LRRC4C: variants seen among roughly 807,000 people sequenced by gnomAD.
LRRC4C encodes the protein leucine rich repeat containing 4C, also known as leucine-rich repeat-containing protein 4C.
In LRRC4C, 5 loss-of-function variants were observed where a neutral mutation model predicts 33.6. The observed-to-expected ratio is 0.15, with a 90% CI of 0.08 to 0.31. The LOEUF (loss-of-function observed/expected upper bound fraction) is 0.31, where lower values mean the gene tolerates loss of function less well. LRRC4C is among the 10% of genes least tolerant of loss of function. The pLI, the probability that LRRC4C is intolerant of heterozygous loss-of-function variation, is 1.00. For missense variants in LRRC4C, 560 were observed against 796.7 expected, an observed-to-expected ratio of 0.70 and a Z score of 3.58; for synonymous variants, 329 against 302.0, an observed-to-expected ratio of 1.09 and a Z score of -0.93.
intron 5 of LRRC4C, among the ~76,000 whole-genome samples, chr11:40,224,819 A>C (rs1234256592): frequency 6.6e-6 from 1 of 152,174 alleles, no homozygotes; most frequent in African/African-American, 2.4e-5. Context: ...ATATCCATTT[A>C]TTTACTTTAA....
At chr11:40,855,470 T>A (rs1485772200) in intron 2 of LRRC4C, among the ~76,000 whole-genome samples, 1 of 152,210 alleles carries the variant, frequency 6.6e-6, no homozygotes, top group East Asian at 1.9e-4. Flanking sequence ...GGGTTGTGGA[T>A]GCTTGGCACA....
intron 1 of LRRC4C, among the ~76,000 whole-genome samples, chr11:41,316,262 CAAAAA>C (rs60671406): frequency 2.6e-5 from 2 of 78,022 alleles, no homozygotes; most frequent in Middle Eastern, 0.016. Context: ...CTCTGGATGG[CAAAAA>C]AAAAAAAAAA....
At chr11:41,419,927 G>T (rs1954818005) in intron 1 of LRRC4C, among the ~76,000 whole-genome samples, 2 of 151,822 alleles carry the variant, frequency 1.3e-5, no homozygotes, top group South Asian at 4.1e-4. Context: ...ATCATTCAAA[G>T]AGAAAAATCT....
At chr11:41,036,751 A>G (rs1857100561) in intron 1 of LRRC4C, among the ~76,000 whole-genome samples, 1 of 152,212 alleles carries the variant, frequency 6.6e-6, no homozygotes, top group East Asian at 1.9e-4. Flanking sequence ...AAATGATGTC[A>G]CAGTAGTTTG....
chr11:41,258,600 T>C (rs59882433), intron 1 of LRRC4C, among the ~76,000 whole-genome samples: 2,877 of 152,078 alleles, frequency 0.019, 93 homozygotes, highest in African/African-American at 0.067. Context: ...ACTTGCTAAA[T>C]ATATATAAAT....
rs530584194 is a variant in LRRC4C at position 40,593,758 on chromosome 11, T to A, written c.-270+54384A>T. ...AGGGATGAATTTCATCTTCGAAAAT[T>A]TCCTCTCCTGCATAATAAGATTGAA... On this transcript the variant is annotated intron_variant, in intron 3 of 6. Transcript: ENST00000528697. Among the ~76,000 whole-genome samples, 9 of 152,324 alleles carry A rather than the reference T, an allele frequency of 5.9e-5. 1 individual carries two copies. The highest frequency in any genetic ancestry group is 2.2e-4 in the African/African-American group (9 of 41,580).
At chr11:40,192,549 G>A (rs1379755687) in intron 5 of LRRC4C, among the ~76,000 whole-genome samples, 1 of 152,176 alleles carries the variant, frequency 6.6e-6, no homozygotes, top group Non-Finnish European at 1.5e-5. Context: ...CACTGAACTA[G>A]TTGCAGGAGT....
At chr11:40,555,490 C>CT (rs1275040649) in intron 3 of LRRC4C, among the ~76,000 whole-genome samples, 1 of 151,944 alleles carries the variant, frequency 6.6e-6, no homozygotes, top group Non-Finnish European at 1.5e-5. Flanking sequence ...ATGAACATAC[C>CT]TTTTATGAAC....
chr11:40,718,584 A>AAG (rs1173314776), intron 2 of LRRC4C, among the ~76,000 whole-genome samples: 3 of 152,208 alleles, frequency 2.0e-5, no homozygotes, highest in East Asian at 3.9e-4. Context: ...TAAGAGCAGC[A>AAG]AGAGTCTAAG....
intron 3 of LRRC4C, among the ~76,000 whole-genome samples, chr11:40,392,993 C>A (rs1949396418): frequency 6.6e-6 from 1 of 151,816 alleles, no homozygotes; most frequent in Admixed American, 6.6e-5. Context: ...TCACGATAGC[C>A]CATTACGCAC....
At chr11:40,431,549 C>A (rs1216096859) in intron 3 of LRRC4C, among the ~76,000 whole-genome samples, 1 of 152,010 alleles carries the variant, frequency 6.6e-6, no homozygotes, top group Non-Finnish European at 1.5e-5. Context: ...CTCTGTTAAT[C>A]TTCATCTCTT....
At chr11:40,188,850 G>T (rs1165586284) in intron 5 of LRRC4C, among the ~76,000 whole-genome samples, 4 of 152,146 alleles carry the variant, frequency 2.6e-5, no homozygotes, top group African/African-American at 9.7e-5. Context: ...TGACATAAAA[G>T]CTTTCTTTGT....
At chr11:40,226,225 C>G (rs1487692542) in intron 5 of LRRC4C, among the ~76,000 whole-genome samples, 1 of 152,186 alleles carries the variant, frequency 6.6e-6, no homozygotes, top group African/African-American at 2.4e-5. Context: ...TCCACTATGA[C>G]TCAGATGAGT....
intron 5 of LRRC4C, among the ~76,000 whole-genome samples, chr11:40,238,980 G>A (rs148619379): frequency 6.6e-6 from 1 of 152,128 alleles, no homozygotes; most frequent in African/African-American, 2.4e-5. Context: ...GGTATAAGCT[G>A]AATTCCAAAG....
intron 1 of LRRC4C, among the ~76,000 whole-genome samples, chr11:41,296,884 T>C (rs1950159132): frequency 6.6e-6 from 1 of 152,212 alleles, no homozygotes; most frequent in African/African-American, 2.4e-5. Flanking sequence ...AAAGTACTTC[T>C]TGAATTTGTC....
intron 2 of LRRC4C, among the ~76,000 whole-genome samples, chr11:40,861,922 C>T (rs933772066): frequency 6.6e-6 from 1 of 152,134 alleles, no homozygotes; most frequent in African/African-American, 2.4e-5. Flanking sequence ...GGAGCCAAGC[C>T]ATTCATGAGG....
chr11:40,638,184 ATT>A (rs1484955612), intron 3 of LRRC4C, among the ~76,000 whole-genome samples: 1 of 152,150 alleles, frequency 6.6e-6, no homozygotes, highest in African/African-American at 2.4e-5. Flanking sequence ...ACTTAAAATT[ATT>A]TTGTTTTACT....
intron 1 of LRRC4C, among the ~76,000 whole-genome samples, chr11:41,102,266 G>T (rs1941236995): frequency 6.6e-6 from 1 of 151,978 alleles, no homozygotes; most frequent in Admixed American, 6.6e-5. Flanking sequence ...TCCACTTATT[G>T]CATTTTACCT....
At chr11:41,176,956 C>T (rs1245240603) in intron 1 of LRRC4C, among the ~76,000 whole-genome samples, 1 of 151,382 alleles carries the variant, frequency 6.6e-6, no homozygotes. Flanking sequence ...CAGAGTAATA[C>T]TCCATCTCTA....
Sources: gnomAD v4.1 joint callset for allele counts (sites outside exome capture counted in the v4.1 genomes callset) on GRCh38, gnomAD v4.1.1 for gene constraint, MANE v1.5 for transcripts, NCBI Gene and HGNC (gene_info 2026-07-23, HGNC 2026-07-21) for gene names.